The following DLG2 variants were observed in gnomAD, a reference collection of about 807,000 sequenced individuals.
The protein encoded by DLG2 is disks large homolog 2.
A neutral mutation model predicts 132.5 loss-of-function variants in DLG2; 45 were observed. That is an observed-to-expected ratio of 0.34 (90% confidence interval 0.27 to 0.44). DLG2 has a LOEUF of 0.44. DLG2 is among the 20% of genes least tolerant of loss of function. The pLI is 1.00. For missense variants in DLG2, 1,045 were observed against 1,196.9 expected, an observed-to-expected ratio of 0.87 and a Z score of 1.87; for synonymous variants, 424 against 419.6, an observed-to-expected ratio of 1.01 and a Z score of -0.13.
At chr11:85,315,765 A>T (rs935424377) in intron 3 of DLG2, among the ~76,000 whole-genome samples, 1 of 151,958 alleles carries the variant, frequency 6.6e-6, no homozygotes, top group Non-Finnish European at 1.5e-5. Context: ...CGCTCAGTCC[A>T]CACAGGAGTG....
At chr11:85,032,845 T>A (rs1038454493) in intron 6 of DLG2, among the ~76,000 whole-genome samples, 2 of 152,192 alleles carry the variant, frequency 1.3e-5, no homozygotes, top group Admixed American at 1.3e-4. Context: ...AAGAAATGAC[T>A]TGGATTCAGA....
intron 21 of DLG2, among the ~76,000 whole-genome samples, chr11:83,507,149 G>A (rs1348976966): frequency 1.3e-5 from 2 of 152,044 alleles, no homozygotes; most frequent in African/African-American, 4.8e-5. Flanking sequence ...CTCACAAATG[G>A]TGAATCAGGA....
At chr11:84,332,249 T>C (rs1460960114) in intron 7 of DLG2, among the ~76,000 whole-genome samples, 4 of 149,668 alleles carry the variant, frequency 2.7e-5, no homozygotes, top group African/African-American at 9.8e-5. Flanking sequence ...TCTCGCTCTA[T>C]CGCCCAGGCT....
At chr11:85,334,706 T>A (rs1045709585) in intron 3 of DLG2, among the ~76,000 whole-genome samples, 2 of 152,196 alleles carry the variant, frequency 1.3e-5, no homozygotes, top group African/African-American at 2.4e-5. Context: ...TGGAGCAGAT[T>A]ACTTAATTTC....
At chr11:84,640,007 C>T in intron 6 of DLG2, 1 of 257,156 alleles carries the variant, frequency 3.9e-6, no homozygotes, top group Non-Finnish European at 7.4e-6. Flanking sequence ...AGACTATTCT[C>T]AGCAATCAGA....
chr11:85,573,114 G>A (rs773257691), intron 3 of DLG2, among the ~76,000 whole-genome samples: 1 of 152,194 alleles, frequency 6.6e-6, no homozygotes, highest in South Asian at 2.1e-4. Flanking sequence ...TCAGCCATGA[G>A]TTAAAGCTTC....
chr11:84,090,329 G>T (rs1283438056), intron 10 of DLG2, among the ~76,000 whole-genome samples: 3 of 148,782 alleles, frequency 2.0e-5, no homozygotes, highest in Non-Finnish European at 4.4e-5. Context: ...CAGGAGAATC[G>T]CTTGAACCCA....
chr11:85,497,517 CAGG>C (rs1565586728), intron 3 of DLG2, among the ~76,000 whole-genome samples: 1 of 152,066 alleles, frequency 6.6e-6, no homozygotes, highest in Admixed American at 6.6e-5. Context: ...GGATATTATC[CAGG>C]AGAACTTCCC....
intron 10 of DLG2, among the ~76,000 whole-genome samples, chr11:84,089,138 A>G (rs896011092): frequency 2.0e-5 from 3 of 152,174 alleles, no homozygotes; most frequent in Admixed American, 6.5e-5. Context: ...CTAAGAATTT[A>G]GCAATCTCTT....
chr11:84,239,143 A>G (rs2097195395), intron 8 of DLG2, among the ~76,000 whole-genome samples: 1 of 152,176 alleles, frequency 6.6e-6, no homozygotes, highest in African/African-American at 2.4e-5. Context: ...CACTACATGC[A>G]TGGACTATGG....
At chr11:84,038,840 C>T (rs181723322) in intron 11 of DLG2, among the ~76,000 whole-genome samples, 1 of 152,084 alleles carries the variant, frequency 6.6e-6, no homozygotes, top group African/African-American at 2.4e-5. Flanking sequence ...TCCTTCTTCA[C>T]ATGATGTTAG....
chr11:84,774,130 A>C (rs2069955677), intron 6 of DLG2, among the ~76,000 whole-genome samples: 1 of 152,182 alleles, frequency 6.6e-6, no homozygotes, highest in Non-Finnish European at 1.5e-5. Flanking sequence ...TAGAATTTGT[A>C]AATACCAATA....
At chr11:85,498,128 G>T (rs1215410046) in intron 3 of DLG2, among the ~76,000 whole-genome samples, 1 of 152,114 alleles carries the variant, frequency 6.6e-6, no homozygotes, top group Non-Finnish European at 1.5e-5. Flanking sequence ...AAAAGACACA[G>T]ACTGGCAAAT....
chr11:84,198,092 T>A (rs936891961), intron 8 of DLG2, among the ~76,000 whole-genome samples: 1 of 152,200 alleles, frequency 6.6e-6, no homozygotes, highest in Non-Finnish European at 1.5e-5. Context: ...AACTTCTGTA[T>A]AAATACAGGT....
At chr11:84,302,209 C>T (rs1052786774) in intron 7 of DLG2, among the ~76,000 whole-genome samples, 2 of 151,820 alleles carry the variant, frequency 1.3e-5, no homozygotes, top group Non-Finnish European at 2.9e-5. Flanking sequence ...GGTTGAGGGG[C>T]TAGGGGAGGG....
chr11:84,042,918 G>T (rs2853022), intron 11 of DLG2, among the ~76,000 whole-genome samples: 132,665 of 151,656 alleles, frequency 0.87, 58,270 homozygotes, highest in Middle Eastern at 0.93. Context: ...ACAGGAAAAA[G>T]AGCTAATGCA....
At chr11:83,760,450 C>A (rs1376254390) in intron 18 of DLG2, among the ~76,000 whole-genome samples, 1 of 151,908 alleles carries the variant, frequency 6.6e-6, no homozygotes, top group Non-Finnish European at 1.5e-5. Context: ...CTTCTCTAAT[C>A]TCACTATCTC....
At chr11:84,504,546 G>A (rs1266375510) in intron 7 of DLG2, among the ~76,000 whole-genome samples, 2 of 152,160 alleles carry the variant, frequency 1.3e-5, no homozygotes, top group African/African-American at 4.8e-5. Context: ...AGATTGTGCT[G>A]ACCTAATTGC....
At chr11:84,077,507 C>T (rs1227092039) in intron 10 of DLG2, among the ~76,000 whole-genome samples, 1 of 152,094 alleles carries the variant, frequency 6.6e-6, no homozygotes, top group Non-Finnish European at 1.5e-5. Flanking sequence ...TTTAATTCTT[C>T]CTCAACCTAT....
Sources: allele counts gnomAD v4.1 joint callset (sites outside exome capture counted in the v4.1 genomes callset), GRCh38; gene constraint gnomAD v4.1.1; transcripts MANE v1.5; gene names NCBI Gene and HGNC (gene_info 2026-07-23, HGNC 2026-07-21).